Variants in PTPRK observed in about 807,000 individuals in gnomAD.
PTPRK encodes protein tyrosine phosphatase receptor type K.
In PTPRK, 75 loss-of-function variants were observed where a neutral mutation model predicts 178.0. The observed-to-expected ratio is 0.42, with a 90% CI of 0.35 to 0.51. The LOEUF (loss-of-function observed/expected upper bound fraction) is 0.51. Among genes scored for constraint, PTPRK ranks in the 20% least tolerant of loss-of-function variants. The pLI is 0.02. For synonymous variants in PTPRK, 637 were observed against 620.6 expected (o/e 1.03, Z -0.39); for missense variants, 1,441 against 1,797.8 (o/e 0.80, Z 3.59).
intron 15 of PTPRK, chr6:127,999,830 T>C: frequency 2.4e-6 from 1 of 423,362 alleles, no homozygotes; most frequent in Non-Finnish European, 3.2e-6. Flanking sequence ...AGTAACTCAA[T>C]AAATATTCCA....
At chr6:128,211,340 G>C (rs1419926123) in intron 6 of PTPRK, among the ~76,000 whole-genome samples, 2 of 152,012 alleles carry the variant, frequency 1.3e-5, no homozygotes. Context: ...TCTATGCTGA[G>C]GAGTGACAAA....
chr6:128,483,918 C>G (rs938170780), intron 1 of PTPRK, among the ~76,000 whole-genome samples: 1 of 152,002 alleles, frequency 6.6e-6, no homozygotes, highest in African/African-American at 2.4e-5. Flanking sequence ...TAATGGAACA[C>G]AGATTTAGTA....
intron 1 of PTPRK, among the ~76,000 whole-genome samples, chr6:128,447,314 G>A (rs1847158626): frequency 6.6e-6 from 1 of 152,176 alleles, no homozygotes; most frequent in South Asian, 2.1e-4. Context: ...TACTTTAAGA[G>A]AAAATAATAA....
intron 1 of PTPRK, among the ~76,000 whole-genome samples, chr6:128,458,912 T>C (rs1243919318): frequency 1.3e-5 from 2 of 152,164 alleles, no homozygotes; most frequent in African/African-American, 2.4e-5. Context: ...ACATTTCTCA[T>C]GGTCATTCAA....
intron 2 of PTPRK, among the ~76,000 whole-genome samples, chr6:128,365,742 G>C (rs1835394928): frequency 1.3e-5 from 2 of 152,248 alleles, no homozygotes; most frequent in Non-Finnish European, 2.9e-5. Flanking sequence ...TGGCTGGAGA[G>C]TTGAATGGCT....
At chr6:128,109,885 C>T (rs976175999) in intron 7 of PTPRK, among the ~76,000 whole-genome samples, 1 of 151,950 alleles carries the variant, frequency 6.6e-6, no homozygotes, top group Non-Finnish European at 1.5e-5. Flanking sequence ...ATAAGTAAAG[C>T]AAGTGTATAC....
At chr6:128,206,720 T>G (rs895884685) in intron 6 of PTPRK, among the ~76,000 whole-genome samples, 1 of 152,128 alleles carries the variant, frequency 6.6e-6, no homozygotes, top group Non-Finnish European at 1.5e-5. Flanking sequence ...TGCCAACTCA[T>G]TTTTATGAGA....
At chr6:128,387,875 T>C (rs1320110922) in intron 2 of PTPRK, among the ~76,000 whole-genome samples, 1 of 151,778 alleles carries the variant, frequency 6.6e-6, no homozygotes, top group African/African-American at 2.4e-5. Flanking sequence ...AGCAGGGGCA[T>C]CCAATCTTTT....
At chr6:127,973,277 T>C in intron 28 of PTPRK, 120 bp from the exon 29 acceptor site, 2 of 1,495,878 alleles carry the variant, frequency 1.3e-6, no homozygotes, top group South Asian at 1.3e-5. Context: ...ATTTGTGTCT[T>C]AATTTTGCTT....
chr6:128,048,859 T>C (rs1381204392), intron 13 of PTPRK, among the ~76,000 whole-genome samples: 1 of 152,338 alleles, frequency 6.6e-6, no homozygotes, highest in African/African-American at 2.4e-5. Flanking sequence ...GGAATGACTG[T>C]ACTTATTTGT....
intron 1 of PTPRK, among the ~76,000 whole-genome samples, chr6:128,450,030 C>A (rs1193083489): frequency 6.6e-6 from 1 of 151,342 alleles, no homozygotes; most frequent in Non-Finnish European, 1.5e-5. Context: ...ATCACTTGAA[C>A]CCAGGTTGGG....
rs985844364 is a variant in PTPRK, at chr6:128,412,986, G to A, written c.101-15298C>T. 3.3e-4 allele frequency among the ~76,000 whole-genome samples: 50 copies of A among 152,268 alleles called. 1 individual carries two copies. Among genetic ancestry groups the A allele is most frequent in the African/African-American group, 1.2e-3 (48 of 41,540 alleles). On this transcript the variant is annotated intron_variant, in intron 1 of 29. Transcript: ENST00000368226. ...GCCATTTACAAGTGAGAAACTGTTG[G>A]GAGAACAAGGATGTGTGCCTCTTTC...
chr6:128,143,610 C>T (rs141427675), intron 7 of PTPRK, among the ~76,000 whole-genome samples: 1 of 152,246 alleles, frequency 6.6e-6, no homozygotes, highest in Non-Finnish European at 1.5e-5. Context: ...ATTGCCCTTA[C>T]CTTTCAGCTC....
chr6:128,114,370 C>T (rs1562608577), intron 7 of PTPRK, among the ~76,000 whole-genome samples: 1 of 151,884 alleles, frequency 6.6e-6, no homozygotes, highest in Non-Finnish European at 1.5e-5. Context: ...GTAATCTCAG[C>T]ACTTTCAGAG....
At chr6:128,429,800 A>T (rs542206092) in intron 1 of PTPRK, among the ~76,000 whole-genome samples, 1 of 152,212 alleles carries the variant, frequency 6.6e-6, no homozygotes, top group South Asian at 2.1e-4. Context: ...ATTATTAATT[A>T]GATAATTTCT....
At chr6:128,403,155 G>A (rs2128372997) in intron 1 of PTPRK, among the ~76,000 whole-genome samples, 1 of 152,186 alleles carries the variant, frequency 6.6e-6, no homozygotes, top group East Asian at 1.9e-4. Flanking sequence ...AAGAATACAT[G>A]TTCATATAAT....
At chr6:128,051,667 TC>T (rs1372849204) in intron 13 of PTPRK, among the ~76,000 whole-genome samples, 1 of 152,172 alleles carries the variant, frequency 6.6e-6, no homozygotes, top group Non-Finnish European at 1.5e-5. Context: ...ACTTTCTTCC[TC>T]CTACTGTCTC....
intron 13 of PTPRK, among the ~76,000 whole-genome samples, chr6:128,022,698 G>A (rs563480873): frequency 3.3e-5 from 5 of 152,198 alleles, no homozygotes; most frequent in South Asian, 2.1e-4. Flanking sequence ...AGTATTTCCT[G>A]GAACACCTAA....
intron 6 of PTPRK, among the ~76,000 whole-genome samples, chr6:128,187,196 A>C (rs2114706766): frequency 6.6e-6 from 1 of 152,188 alleles, no homozygotes; most frequent in East Asian, 1.9e-4. Flanking sequence ...TAAGGAGAAA[A>C]CCTAAGAGGA....
Sources: allele counts gnomAD v4.1 joint callset (sites outside exome capture counted in the v4.1 genomes callset), GRCh38; gene constraint gnomAD v4.1.1; transcripts MANE v1.5; gene names NCBI Gene and HGNC (gene_info 2026-07-23, HGNC 2026-07-21).